Variants in RBFOX1 observed in about 807,000 individuals in gnomAD.
The protein encoded by RBFOX1 is RNA binding protein fox-1 homolog 1.
Under a neutral mutation model 57.7 loss-of-function variants are expected in RBFOX1, and 8 were observed. That is an observed-to-expected ratio of 0.14 (90% CI 0.08 to 0.25). The LOEUF is 0.25. RBFOX1 is among the 10% of genes least tolerant of loss of function. RBFOX1 has a pLI of 1.00. For synonymous variants in RBFOX1, 326 were observed against 222.4 expected (o/e 1.47, Z -4.15); for missense variants, 611 against 548.5 (o/e 1.11, Z -1.14).
At chr16:6,634,668 ATG>A (rs2098416639) in intron 2 of RBFOX1, among the ~76,000 whole-genome samples, 2 of 72,414 alleles carry the variant, frequency 2.8e-5, no homozygotes, top group African/African-American at 7.4e-5. Flanking sequence ...ATATGTATAT[ATG>A]TAAATATGTA....
intron 4 of RBFOX1, among the ~76,000 whole-genome samples, chr16:7,101,443 G>A (rs1032734807): frequency 6.6e-6 from 1 of 152,188 alleles, no homozygotes; most frequent in Non-Finnish European, 1.5e-5. Flanking sequence ...TAATATAGCA[G>A]TGAATGTATG....
At chr16:5,583,253 A>G (rs1016117997) in intron 2 of RBFOX1, among the ~76,000 whole-genome samples, 1 of 152,348 alleles carries the variant, frequency 6.6e-6, no homozygotes, top group South Asian at 2.1e-4. Context: ...ATGGCCTTAG[A>G]AGGACTCCAT....
At chr16:6,570,566 A>G (rs1328187172) in intron 2 of RBFOX1, among the ~76,000 whole-genome samples, 7 of 152,210 alleles carry the variant, frequency 4.6e-5, no homozygotes, top group Admixed American at 4.6e-4. Context: ...ATTGGAAAAA[A>G]TAAAGATCAA....
In RBFOX1 at chr16:6,574,861, A is replaced by T. The variant is rs1468990273; in HGVS notation, c.-63-79742A>T. ...AGACCATCCTGGATAACACGGTGAA[A>T]CCCCGTCTCTACTAAAAATACAAAA... On this transcript the variant is annotated intron_variant, in intron 2 of 15. Transcript: ENST00000550418. Among the ~76,000 whole-genome samples the T allele has an allele frequency of 4.3e-5, 6 of 141,166 alleles. No individual in the cohort carries two copies. In the East Asian group the frequency reaches 7.4e-4, roughly 17 times the overall value. 92.6% of individuals were successfully genotyped at this position (141,166 alleles called of 152,430 possible). A position where few individuals can be genotyped will look rare whatever the true frequency, so the allele number is the denominator to read the frequency against.
intron 4 of RBFOX1, among the ~76,000 whole-genome samples, chr16:5,876,082 A>G (rs2057602588): frequency 6.6e-6 from 1 of 152,064 alleles, no homozygotes; most frequent in Admixed American, 6.6e-5. Flanking sequence ...TGACCTCGTG[A>G]TCCACCCGCC....
intron 14 of RBFOX1, among the ~76,000 whole-genome samples, chr16:7,679,547 C>T (rs2074220748): frequency 6.6e-6 from 1 of 152,186 alleles, no homozygotes. Flanking sequence ...TCATGAGATT[C>T]ACTCTTCAGA....
chr16:7,433,986 A>T (rs577153039), intron 4 of RBFOX1, among the ~76,000 whole-genome samples: 103 of 152,338 alleles, frequency 6.8e-4, no homozygotes, highest in African/African-American at 1.8e-3. Flanking sequence ...ATTTGTGAGA[A>T]CGATGAGAGG....
intron 4 of RBFOX1, among the ~76,000 whole-genome samples, chr16:5,930,612 G>A (rs916856807): frequency 1.5e-5 from 2 of 130,750 alleles, no homozygotes; most frequent in African/African-American, 6.0e-5. Flanking sequence ...ACGGGTGGCA[G>A]GGTGGATGGA....
At chr16:6,282,378 A>G (rs1342487003) in intron 1 of RBFOX1, among the ~76,000 whole-genome samples, 2 of 60,682 alleles carry the variant, frequency 3.3e-5, no homozygotes, top group South Asian at 5.5e-4. Context: ...TTTTTTTTTT[A>G]ATTTTACTTT....
At position 6,222,671 on chromosome 16, in the gene RBFOX1, A is replaced by G. The variant is rs534536435; in HGVS notation, c.-126-94324A>G. The stretch of plus-strand genomic sequence containing the variant: ...CAGTAGGTCTTGGGTAGAATGTAAG[A>G]ATTTTCTTTTCTTTTATTATTATTA... On this transcript the variant is annotated intron_variant, in intron 1 of 15. Coordinates refer to ENST00000550418, the MANE Select transcript of RBFOX1 (RefSeq NM_018723.4). 2.8e-3 allele frequency among the ~76,000 whole-genome samples: 380 copies of G among 136,068 alleles called. 3 individuals carry two copies. The highest frequency in any genetic ancestry group is 9.8e-3 in the African/African-American group (361 of 36,716). 89.3% of individuals were successfully genotyped at this position (136,068 alleles called of 152,430 possible).
At chr16:5,311,823 A>G (rs915235626) in intron 1 of RBFOX1, among the ~76,000 whole-genome samples, 2 of 152,172 alleles carry the variant, frequency 1.3e-5, no homozygotes, top group African/African-American at 4.8e-5. Context: ...GTTGCTGTCA[A>G]TCTAGATGCA....
chr16:6,668,332 C>T (rs895957723), intron 3 of RBFOX1, among the ~76,000 whole-genome samples: 3 of 152,152 alleles, frequency 2.0e-5, no homozygotes, highest in African/African-American at 7.2e-5. Flanking sequence ...GGAGTGAGAG[C>T]CACAGGGCAC....
At chr16:5,332,100 C>T (rs2064772498) in intron 1 of RBFOX1, among the ~76,000 whole-genome samples, 1 of 152,112 alleles carries the variant, frequency 6.6e-6, no homozygotes, top group Non-Finnish European at 1.5e-5. Flanking sequence ...TGTTTTCCTT[C>T]TTATGTCTTA....
chr16:6,014,129 A>G (rs1307062665), upstream of RBFOX1, among the ~76,000 whole-genome samples: 2 of 152,200 alleles, frequency 1.3e-5, no homozygotes, highest in Non-Finnish European at 2.9e-5. Flanking sequence ...ATTAAAAAAT[A>G]AAAAGGAAAT....
At chr16:5,487,647 T>G (rs2042673610) in intron 2 of RBFOX1, among the ~76,000 whole-genome samples, 1 of 152,190 alleles carries the variant, frequency 6.6e-6, no homozygotes, top group African/African-American at 2.4e-5. Context: ...CCACAGAAGA[T>G]GAAAGCTAAA....
chr16:6,879,082 AAGCCAATGAGCTAATAGCTT>A (rs1187694879), intron 3 of RBFOX1, among the ~76,000 whole-genome samples: 6 of 152,322 alleles, frequency 3.9e-5, no homozygotes, highest in Admixed American at 1.3e-4. Flanking sequence ...AGTTTTCAGA[AAGCCAATGAGCTAATAGCTT>A]GAATATATTA....
At chr16:6,390,672 G>C (rs1416870767) in intron 2 of RBFOX1, among the ~76,000 whole-genome samples, 1 of 152,156 alleles carries the variant, frequency 6.6e-6, no homozygotes, top group Non-Finnish European at 1.5e-5. Flanking sequence ...TCTAAGCTTA[G>C]GTTATAAATG....
At chr16:5,712,416 C>T (rs955091932) in intron 3 of RBFOX1, among the ~76,000 whole-genome samples, 4 of 152,186 alleles carry the variant, frequency 2.6e-5, no homozygotes, top group African/African-American at 9.7e-5. Flanking sequence ...CAGGCTGGCA[C>T]CTGCCAGGAC....
At chr16:7,415,349 G>T (rs974899051) in intron 4 of RBFOX1, among the ~76,000 whole-genome samples, 10 of 152,054 alleles carry the variant, frequency 6.6e-5, no homozygotes, top group African/African-American at 2.4e-4. Context: ...ATGGAGTTCT[G>T]GTATCAAAAT....
Sources: gnomAD v4.1 joint callset for allele counts (sites outside exome capture counted in the v4.1 genomes callset) on GRCh38, gnomAD v4.1.1 for gene constraint, MANE v1.5 for transcripts, NCBI Gene and HGNC (gene_info 2026-07-23, HGNC 2026-07-21) for gene names.